The following RIPPLY3 variants were observed in gnomAD, a reference collection of about 807,000 sequenced individuals.
The protein encoded by RIPPLY3 is ripply transcriptional repressor 3.
A neutral mutation model predicts 11.9 loss-of-function variants in RIPPLY3; 8 were observed. That is an observed-to-expected ratio of 0.67 (90% CI 0.40 to 1.21). RIPPLY3 has a LOEUF of 1.21. RIPPLY3 is among the 50% of genes most tolerant of loss of function. The pLI, the probability that RIPPLY3 is intolerant of heterozygous loss-of-function variation, is 0.01. For missense variants in RIPPLY3, 271 were observed against 246.0 expected (o/e 1.10, Z -0.68); for synonymous variants, 102 against 99.0 (o/e 1.03, Z -0.18).
intron 2 of RIPPLY3, among the ~76,000 whole-genome samples, chr21:37,011,929 C>CAAAAAAA (rs59382996): frequency 2.5e-4 from 12 of 47,104 alleles, no homozygotes; most frequent in African/African-American, 9.1e-4. Context: ...GACTCCGTCT[C>CAAAAAAA]AAAAAAAAAA....
At chr21:37,016,341 T>A (rs1453357961) in intron 3 of RIPPLY3, among the ~76,000 whole-genome samples, 2 of 151,822 alleles carry the variant, frequency 1.3e-5, no homozygotes, top group Admixed American at 1.3e-4. Flanking sequence ...CCCCTCGAGG[T>A]CGAGAACCAT....
At chr21:37,007,691 G>A (rs1281226099) in intron 1 of RIPPLY3, among the ~76,000 whole-genome samples, 3 of 152,032 alleles carry the variant, frequency 2.0e-5, no homozygotes, top group African/African-American at 7.2e-5. Flanking sequence ...TTACAGGTGT[G>A]AGCCACCGCG....
Position 37,011,770 on chromosome 21 carries a change from G to A in RIPPLY3, c.172-1781G>A, listed in dbSNP as rs897937546. On this transcript the variant is annotated intron_variant, in intron 2 of 3. Transcript: ENST00000329553. The stretch of plus-strand genomic sequence containing the variant: ...TCATGAGATCAGGAGATCGAAACAC[G>A]GTGAAACCCCATCTCTACTAAAAAT... Among the ~76,000 whole-genome samples the A allele has an allele frequency of 2.0e-5, 3 of 151,506 alleles. No individual in the cohort carries two copies. In the East Asian group the frequency reaches 5.8e-4, roughly 30 times the overall value.
chr21:37,008,493 C>T (rs574496405), intron 2 of RIPPLY3, among the ~76,000 whole-genome samples: 1 of 152,140 alleles, frequency 6.6e-6, no homozygotes, highest in African/African-American at 2.4e-5. Flanking sequence ...CGCGGTGGCT[C>T]GGGCCTGTAA....
chr21:37,017,915 G>A lies in RIPPLY3; in HGVS notation c.281G>A (p.Ser94Asn), dbSNP rs1030388686. The change falls in exon 4 of 4, where the codon AGT (serine) becomes AAT (asparagine). Residue 94 changes from serine (S) to asparagine (N), a missense_variant. Ser to Asn is a conservative substitution (Grantham distance 46). Transcript: ENST00000329553. ...TCAAAGCGTCAAGAATACCTGCGGA[G>A]TTCCGGGGAGCAAGTACTGGCCAGT... ...PMSKRQEYLR[S>N]SGEQVLASFP... The A allele has an allele frequency of 1.2e-5, 20 of 1,614,138 alleles. No individual in the cohort carries two copies. Among genetic ancestry groups the A allele is most frequent in the Non-Finnish European group, 1.6e-5 (19 of 1,180,010 alleles).
Position 37,018,167 on chromosome 21 carries a change from G to T in RIPPLY3, c.533G>T (p.Gly178Val). The change falls in exon 4 of 4, where the codon GGT becomes GTT. Residue 178 changes from glycine (G) to valine (V), a missense_variant. By Grantham distance (109) the Gly-to-Val change is moderately radical (BLOSUM62 -3). Coordinates refer to ENST00000329553, the MANE Select transcript of RIPPLY3 (RefSeq NM_018962.3). ...TGGGGGGAGGGTCCGCTCCCTCAAG[G>T]TGTCTCCTCAAGGGGTGGCAAGTGC... Reference protein sequence around the residue: ...DHWGEGPLPQGVSSRGGKCSS... With the variant: ...DHWGEGPLPQVVSSRGGKCSS... The T allele has an allele frequency of 1.2e-6, 2 of 1,614,000 alleles. No individual in the cohort carries two copies. Among genetic ancestry groups the T allele is most frequent in the Non-Finnish European group, 1.7e-6 (2 of 1,179,976 alleles).
intron 1 of RIPPLY3, 149 bp from the exon 2 acceptor site, chr21:37,008,008 C>A: frequency 1.6e-6 from 1 of 626,070 alleles, no homozygotes; most frequent in Non-Finnish European, 2.7e-6. Flanking sequence ...GTAATTTATC[C>A]ACAGCCCTGA....
In RIPPLY3 at chr21:37,006,980, C is replaced by G; in HGVS notation, c.104+104C>G. 2 of 670,058 alleles carry G rather than the reference C, an allele frequency of 3.0e-6. No individual in the cohort carries two copies. Among genetic ancestry groups the G allele is most frequent in the Non-Finnish European group, 4.1e-6 (2 of 485,494 alleles). 41.5% of individuals were successfully genotyped at this position (670,058 alleles called of 1,614,324 possible). ...GCTGGGGCGCTGCTGAACCCCCGATCCCCAGCGGAGCTCCGGAGCTCGACG... is the reference window on the plus strand; with the variant it reads ...GCTGGGGCGCTGCTGAACCCCCGATGCCCAGCGGAGCTCCGGAGCTCGACG... On this transcript the variant is annotated intron_variant, in intron 1 of 3. Transcript: ENST00000329553. The surrounding 1 kb of genome is among the most constrained non-coding windows in gnomAD (Gnocchi z 5.2).
intron 3 of RIPPLY3, among the ~76,000 whole-genome samples, chr21:37,016,503 C>T (rs1343829252): frequency 6.6e-6 from 1 of 152,148 alleles, no homozygotes; most frequent in Non-Finnish European, 1.5e-5. Context: ...CTCACTTCTT[C>T]AGAAGACCAC....
intron 3 of RIPPLY3, among the ~76,000 whole-genome samples, chr21:37,014,132 A>T (rs983564475): frequency 6.6e-6 from 1 of 152,048 alleles, no homozygotes; most frequent in African/African-American, 2.4e-5. Flanking sequence ...CCTGACCAAC[A>T]TGGTGAAACC....
intron 2 of RIPPLY3, among the ~76,000 whole-genome samples, chr21:37,009,691 C>T (rs1465846276): frequency 6.6e-6 from 1 of 152,224 alleles, no homozygotes; most frequent in Non-Finnish European, 1.5e-5. Flanking sequence ...ATAGCACGCT[C>T]CCTAAGTAAG....
chr21:37,008,350 C>G, intron 2 of RIPPLY3, 127 bp downstream of exon 2: 1 of 919,218 alleles, frequency 1.1e-6, no homozygotes, highest in Non-Finnish European at 1.6e-6. Flanking sequence ...CCAGGAGCGC[C>G]TCGGGGTCTG....
At chr21:37,006,655 G>GCCGCC, upstream of RIPPLY3, 1 of 573,930 alleles carries the variant, frequency 1.7e-6, no homozygotes, top group Non-Finnish European at 2.5e-6. The surrounding 1 kb of genome is among the most constrained non-coding windows in gnomAD (Gnocchi z 5.2). Context: ...GCTTGCCCGC[G>GCCGCC]CCGCCCCGCC....
chr21:37,006,636 C>G (rs1049091532), upstream of RIPPLY3: 37 of 450,190 alleles, frequency 8.2e-5, no homozygotes, highest in Admixed American at 1.3e-3. This position sits in a 1 kb window ranked among gnomAD's most constrained non-coding sequence, Gnocchi z 5.2. Flanking sequence ...GGTCCTGCCC[C>G]CTCCCAGCGC....
intron 2 of RIPPLY3, 105 bp from the exon 3 acceptor site, chr21:37,013,446 T>G: frequency 3.5e-6 from 3 of 851,686 alleles, no homozygotes; most frequent in Non-Finnish European, 5.7e-6. Context: ...TTGGTATTGA[T>G]ATGACCAACT....
chr21:37,007,255 GGA>G (rs2069474071), intron 1 of RIPPLY3, among the ~76,000 whole-genome samples: 1 of 152,122 alleles, frequency 6.6e-6, no homozygotes, highest in Non-Finnish European at 1.5e-5. Flanking sequence ...TGTTGTCCCT[GGA>G]TTGGGGGCTC....
At chr21:37,013,204 G>A (rs1430748339) in intron 2 of RIPPLY3, among the ~76,000 whole-genome samples, 5 of 152,122 alleles carry the variant, frequency 3.3e-5, no homozygotes, top group East Asian at 1.9e-4. Flanking sequence ...TCATGAACCC[G>A]TTCCTGACCT....
At position 37,006,810 on chromosome 21, in the gene RIPPLY3, G is replaced by C; in HGVS notation, c.38G>C (p.Arg13Pro). The C allele has an allele frequency of 8.1e-7, 1 of 1,230,694 alleles. No homozygotes were observed. Among genetic ancestry groups the C allele is most frequent in the Non-Finnish European group, 1.0e-6 (1 of 987,288 alleles). The allele number at this position is 1,230,694 out of a possible 1,614,324, so 76.2% of individuals were successfully genotyped here. A position where few individuals can be genotyped will look rare whatever the true frequency, so the allele number is the denominator to read the frequency against. Residue 13 changes from arginine (R) to proline (P), a missense_variant, in exon 1 of 4, where the codon CGG (arginine) becomes CCG (proline). Transcript: ENST00000329553. This position sits in a 1 kb window ranked among gnomAD's most constrained non-coding sequence, Gnocchi z 5.2. Reference sequence around the variant, plus strand: ...GCGGCGGCCGGAGCCCGGAAGGCGCGGGGGCGCGGCTGTCACTGCCCCGGG... The same window carrying C: ...GCGGCGGCCGGAGCCCGGAAGGCGCCGGGGCGCGGCTGTCACTGCCCCGGG... ...PEAAAGARKA[R>P]GRGCHCPGDA...
intron 1 of RIPPLY3, among the ~76,000 whole-genome samples, 178 bp downstream of exon 1, chr21:37,007,054 C>A (rs1487445821): frequency 1.3e-5 from 2 of 152,246 alleles, no homozygotes; most frequent in African/African-American, 4.8e-5. Flanking sequence ...CCGGGAGGGG[C>A]GCTCAGTTCT....
Sources: gnomAD v4.1 joint callset for allele counts (sites outside exome capture counted in the v4.1 genomes callset) on GRCh38, gnomAD v4.1.1 for gene constraint, Gnocchi (gnomAD v3.1) non-coding constraint, MANE v1.5 for transcripts, NCBI Gene and HGNC (gene_info 2026-07-23, HGNC 2026-07-21) for gene names.